The following ZFYVE9 variants were observed in gnomAD, a reference collection of about 807,000 sequenced individuals.
ZFYVE9 encodes zinc finger FYVE domain-containing protein 9.
A neutral mutation model predicts 126.7 loss-of-function variants in ZFYVE9; 43 were observed. That is an observed-to-expected ratio of 0.34 (90% CI 0.27 to 0.44). The LOEUF (loss-of-function observed/expected upper bound fraction) is 0.44, where lower values mean the gene tolerates loss of function less well. ZFYVE9 is among the 20% of genes least tolerant of loss of function. The pLI is 1.00. For synonymous variants in ZFYVE9, 521 were observed against 597.4 expected, an observed-to-expected ratio of 0.87 and a Z score of 1.87; for missense variants, 1,476 against 1,697.0, an observed-to-expected ratio of 0.87 and a Z score of 2.29.
chr1:52,175,971 C>T (rs984722503), intron 1 of ZFYVE9, among the ~76,000 whole-genome samples: 130 of 152,266 alleles, frequency 8.5e-4, no homozygotes, highest in African/African-American at 2.7e-3. Context: ...GTAGTTTGAT[C>T]GTCTGAAGCC....
intron 1 of ZFYVE9, among the ~76,000 whole-genome samples, chr1:52,191,570 T>A (rs903721515): frequency 6.6e-6 from 1 of 152,230 alleles, no homozygotes; most frequent in Non-Finnish European, 1.5e-5. Flanking sequence ...TCTAATTTTC[T>A]AATCCTTACC....
At chr1:52,276,583 G>T (rs1645750599) in intron 8 of ZFYVE9, among the ~76,000 whole-genome samples, 1 of 152,144 alleles carries the variant, frequency 6.6e-6, no homozygotes, top group South Asian at 2.1e-4. Context: ...TACCAAGAAA[G>T]TATCTGGCAT....
rs186722064 is a variant in ZFYVE9, at chr1:52,175,961, G to A, written c.-143+33558G>A. ...TTTGAATTTCCTCCTGTAGCTTGGA[G>A]TAGTTTGATCGTCTGAAGCCTTCTT... On this transcript the variant is annotated intron_variant, in intron 1 of 18. Coordinates refer to ENST00000287727, the MANE Select transcript of ZFYVE9 (RefSeq NM_004799.4). 3.7e-4 allele frequency among the ~76,000 whole-genome samples: 57 copies of A among 152,270 alleles called. No individual in the cohort carries two copies. In the East Asian group the frequency reaches 7.7e-3, roughly 21 times the overall value.
intron 1 of ZFYVE9, among the ~76,000 whole-genome samples, chr1:52,176,710 C>A (rs1033409909): frequency 6.6e-6 from 1 of 152,178 alleles, no homozygotes; most frequent in Non-Finnish European, 1.5e-5. Context: ...GCGCCCCTCC[C>A]CCAGCCTCGC....
Position 52,293,507 on chromosome 1 carries a change from G to A in ZFYVE9, c.3080G>A (p.Ser1027Asn). Reference sequence around the variant, plus strand: ...TTCTTCAGTCAAAGTTTCCTTGGCAGTAAAGAACATGGTGGATTCTTATAT... The same window carrying A: ...TTCTTCAGTCAAAGTTTCCTTGGCAATAAAGAACATGGTGGATTCTTATAT... ...HSFFSQSFLG[S>N]KEHGGFLYVT... The change falls in exon 11 of 19, where the codon AGT (serine) becomes AAT (asparagine). Residue 1027 changes from serine to asparagine, a missense_variant. By Grantham distance (46) the Ser-to-Asn change is conservative. Coordinates refer to ENST00000287727, the MANE Select transcript of ZFYVE9 (RefSeq NM_004799.4). 6.2e-7 allele frequency: 1 copy of A among 1,613,912 alleles called. No individual in the cohort carries two copies. The highest frequency in any genetic ancestry group is 8.5e-7 in the Non-Finnish European group (1 of 1,179,982).
Position 52,207,457 on chromosome 1 carries a change from T to C in ZFYVE9, c.-142-8912T>C, listed in dbSNP as rs188947605. On this transcript the variant is annotated intron_variant, in intron 1 of 18. Coordinates refer to ENST00000287727, the MANE Select transcript of ZFYVE9 (RefSeq NM_004799.4). ...TGTGAAAGATGCCAGATGGATATGC[T>C]GGAAATTGAAGCCCTGTGTGAATGT... Among the ~76,000 whole-genome samples the C allele has an allele frequency of 1.3e-3, 194 of 152,348 alleles. 1 individual carries two copies. The highest frequency in any genetic ancestry group is 4.5e-3 in the African/African-American group (187 of 41,584).
chr1:52,152,296 C>T (rs1156470425), intron 1 of ZFYVE9, among the ~76,000 whole-genome samples: 1 of 152,106 alleles, frequency 6.6e-6, no homozygotes, highest in East Asian at 1.9e-4. Context: ...GGCTATATTA[C>T]CCAAACTTAT....
chr1:52,285,531 C>A (rs1311538218), intron 10 of ZFYVE9, among the ~76,000 whole-genome samples: 2 of 152,068 alleles, frequency 1.3e-5, no homozygotes, highest in African/African-American at 4.8e-5. Context: ...GAAGTGCGAA[C>A]CCTGTTGTGA....
chr1:52,242,067 C>G (rs954400093), intron 4 of ZFYVE9, among the ~76,000 whole-genome samples: 5 of 125,826 alleles, frequency 4.0e-5, no homozygotes, highest in African/African-American at 1.3e-4. Flanking sequence ...GACAGAGTCT[C>G]TGTTGCCCAG....
chr1:52,335,902 G>T (rs186825999), intron 15 of ZFYVE9, among the ~76,000 whole-genome samples: 4 of 152,170 alleles, frequency 2.6e-5, no homozygotes, highest in Non-Finnish European at 4.4e-5. Context: ...GGGAGGCCGA[G>T]GGGGGCAGAT....
chr1:52,255,808 T>C (rs1277803459), intron 4 of ZFYVE9, among the ~76,000 whole-genome samples: 2 of 151,932 alleles, frequency 1.3e-5, no homozygotes, highest in Non-Finnish European at 2.9e-5. Context: ...TGAGCCGAGA[T>C]TGCATCACTG....
chr1:52,346,576 T>C lies in ZFYVE9; in HGVS notation c.*355T>C, dbSNP rs911967938. On this transcript the variant is annotated 3_prime_UTR_variant, in exon 19 of 19. Transcript: ENST00000287727. The stretch of plus-strand genomic sequence containing the variant: ...ATGTGCTCAGAAATGCTCAAATGGG[T>C]ACAACCATCACCAAGGGTGGGATGG... 7 of 370,766 alleles carry C rather than the reference T, an allele frequency of 1.9e-5. No homozygotes were observed. Among genetic ancestry groups the C allele is most frequent in the Non-Finnish European group, 3.3e-5 (7 of 209,246 alleles). The allele number at this position is 370,766 out of a possible 1,614,324, so 23.0% of individuals were successfully genotyped here. A position where few individuals can be genotyped will look rare whatever the true frequency, so the allele number is the denominator to read the frequency against.
intron 1 of ZFYVE9, among the ~76,000 whole-genome samples, chr1:52,186,698 G>T (rs189899551): frequency 6.6e-6 from 1 of 152,064 alleles, no homozygotes; most frequent in African/African-American, 2.4e-5. Context: ...AATTAGAAAC[G>T]CAATCCCATT....
chr1:52,265,459 G>A (rs1453181719), intron 5 of ZFYVE9, among the ~76,000 whole-genome samples: 1 of 152,264 alleles, frequency 6.6e-6, no homozygotes, highest in East Asian at 1.9e-4. Flanking sequence ...TTCTGGGCAT[G>A]TGGTATTACC....
chr1:52,337,602 C>T (rs957610192), intron 15 of ZFYVE9, among the ~76,000 whole-genome samples, 170 bp from the exon 16 acceptor site: 1 of 152,208 alleles, frequency 6.6e-6, no homozygotes, highest in Non-Finnish European at 1.5e-5. Flanking sequence ...TTAATCTTGG[C>T]ATTGCTTCTC....
At position 52,202,318 on chromosome 1, in the gene ZFYVE9, T is replaced by C. The variant is rs374529342; in HGVS notation, c.-142-14051T>C. ...TTTTTAAGACAGTGTCTCACTCTTT[T>C]GCCCAGACTGGAGTGCAGTGGCCTG... On this transcript the variant is annotated intron_variant, in intron 1 of 18. Coordinates refer to ENST00000287727, the MANE Select transcript of ZFYVE9 (RefSeq NM_004799.4). Among the ~76,000 whole-genome samples, 389 of 150,732 alleles carry C rather than the reference T, an allele frequency of 2.6e-3. 1 individual carries two copies. The highest frequency in any genetic ancestry group is 7.7e-3 in the East Asian group (39 of 5,052).
chr1:52,226,640 T>G (rs1160665931), intron 2 of ZFYVE9, among the ~76,000 whole-genome samples: 1 of 152,212 alleles, frequency 6.6e-6, no homozygotes, highest in Non-Finnish European at 1.5e-5. Flanking sequence ...TCTTCTTAAC[T>G]CCTGTATCAC....
At chr1:52,315,545 A>G (rs1206585840) in intron 13 of ZFYVE9, among the ~76,000 whole-genome samples, 1 of 149,526 alleles carries the variant, frequency 6.7e-6, no homozygotes, top group East Asian at 2.5e-4. Context: ...AGTATATGAC[A>G]TGTGATGTGG....
intron 2 of ZFYVE9, among the ~76,000 whole-genome samples, chr1:52,225,255 A>G (rs1645159253): frequency 6.6e-6 from 1 of 152,116 alleles, no homozygotes; most frequent in Non-Finnish European, 1.5e-5. Context: ...TTTGGGCGAG[A>G]TTCGATCCTC....
Sources: gnomAD v4.1 joint callset for allele counts (sites outside exome capture counted in the v4.1 genomes callset) on GRCh38, gnomAD v4.1.1 for gene constraint, MANE v1.5 for transcripts, NCBI Gene and HGNC (gene_info 2026-07-23, HGNC 2026-07-21) for gene names.